Variants in DHX58 observed in about 807,000 individuals in gnomAD.
DHX58 encodes the protein DExH-box helicase 58, also known as ATP-dependent RNA helicase DHX58.
DHX58 carries 51 observed loss-of-function variants against 65.0 expected under a neutral mutation model. That is an observed-to-expected ratio of 0.78 (90% confidence interval 0.63 to 0.99). The LOEUF (loss-of-function observed/expected upper bound fraction) is 0.99. DHX58 is among the 50% of genes least tolerant of loss of function. DHX58 has a pLI of 0.00. For missense variants in DHX58, 773 were observed against 891.8 expected, an observed-to-expected ratio of 0.87 and a Z score of 1.70; for synonymous variants, 350 against 365.0, an observed-to-expected ratio of 0.96 and a Z score of 0.47.
chr17:42,107,767 C>T lies in DHX58; in HGVS notation c.834G>A (p.Arg278=). 6.3e-7 allele frequency: 1 copy of T among 1,590,880 alleles called. No individual in the cohort carries two copies. The highest frequency in any genetic ancestry group is 8.6e-7 in the Non-Finnish European group (1 of 1,168,196). Residue 278 remains arginine (R), a synonymous_variant, in exon 8 of 14, where the codon CGG becomes CGA. Coordinates refer to ENST00000251642, the MANE Select transcript of DHX58 (RefSeq NM_024119.3). ...AAALAGLQEQ[R]VYALHLRRYN... ...AGCGCCTCAGGTGAAGCGCATACAC[C>T]CGTTGCTCCTGAAGCCCAGCCAAAG... is the stretch of plus-strand genomic sequence containing the variant.
Position 42,102,286 on chromosome 17 carries a change from G to A in DHX58, c.1781C>T (p.Pro594Leu). The A allele has an allele frequency of 6.2e-7, 1 of 1,614,174 alleles. No individual in the cohort carries two copies. Among genetic ancestry groups the A allele is most frequent in the Non-Finnish European group, 8.5e-7 (1 of 1,180,008 alleles). The change falls in exon 13 of 14, where the codon CCT (proline) becomes CTT (leucine). Residue 594 changes from proline to leucine, a missense_variant. Transcript: ENST00000251642. ...CTTGAAGACTTTGTTGATGACCACA[G>A]GATCCCTGGAGACATTATAGTAGTT... ...FSNYYNVSRDPVVINKVFKDW... is the reference protein window; with the variant it reads ...FSNYYNVSRDLVVINKVFKDW...
intron 11 of DHX58, 141 bp downstream of exon 11, chr17:42,104,625 A>C: frequency 8.9e-7 from 1 of 1,121,644 alleles, no homozygotes; most frequent in Non-Finnish European, 1.2e-6. Context: ...CCCGGCCCTT[A>C]TTTAAACCTT....
In DHX58 at chr17:42,107,802, G is replaced by A. The variant is rs782654795; in HGVS notation, c.806-7C>T. On this transcript the variant is annotated splice_polypyrimidine_tract_variant and splice_region_variant and intron_variant, in intron 7 of 13. Transcript: ENST00000251642. ...TGAAGCCCAGCCAAAGCCGCTGCGG[G>A]AAGAGGGCGCAGGGTCTGAGCAGCC... is the stretch of plus-strand genomic sequence containing the variant. 2 of 1,565,860 alleles carry A rather than the reference G, an allele frequency of 1.3e-6. No homozygotes were observed. The highest frequency in any genetic ancestry group is 1.7e-6 in the Non-Finnish European group (2 of 1,154,572).
intron 12 of DHX58, 47 bp from the exon 13 acceptor site, chr17:42,102,359 C>T (rs200617538): frequency 2.6e-6 from 4 of 1,540,194 alleles, no homozygotes; most frequent in Admixed American, 1.7e-5. Flanking sequence ...CCCTCCTCAG[C>T]CCCGGATCTC....
At chr17:42,109,800 C>G (rs2054120536) in intron 5 of DHX58, among the ~76,000 whole-genome samples, 2 of 151,418 alleles carry the variant, frequency 1.3e-5, no homozygotes, top group Admixed American at 6.6e-5. Context: ...GAGGCTGAGA[C>G]AGAAGAATCA....
chr17:42,105,847 T>G lies in DHX58; in HGVS notation c.1140A>C (p.Ala380=), dbSNP rs1555662530. ...GCTGGAGCCAGAGCAGGAGGGAGTGTGCGCTTTGGCGGGTGCGGGTGAAGA... is the reference window on the plus strand; with the variant it reads ...GCTGGAGCCAGAGCAGGAGGGAGTGGGCGCTTTGGCGGGTGCGGGTGAAGA... ...GIIFTRTRQS[A]HSLLLWLQQQ... The change falls in exon 9 of 14, where the codon GCA becomes GCC. Residue 380 remains alanine (A), a synonymous_variant. Transcript: ENST00000251642. The G allele has an allele frequency of 6.2e-7, 1 of 1,614,000 alleles. No homozygotes were observed. Among genetic ancestry groups the G allele is most frequent in the Non-Finnish European group, 8.5e-7 (1 of 1,180,004 alleles).
In DHX58 at chr17:42,112,134, C is replaced by A; in HGVS notation, c.-23G>T. The A allele has an allele frequency of 4.5e-6, 2 of 440,230 alleles. No homozygotes were observed. Among genetic ancestry groups the A allele is most frequent in the Non-Finnish European group, 8.0e-6 (2 of 249,534 alleles). 27.3% of individuals were successfully genotyped at this position (440,230 alleles called of 1,614,324 possible). A position where few individuals can be genotyped will look rare whatever the true frequency, so the allele number is the denominator to read the frequency against. On this transcript the variant is annotated 5_prime_UTR_variant, in exon 2 of 14. Transcript: ENST00000251642. ...TCACCTGCTCTAGTAGGTAGGTCTG[C>A]CCAGGGCAGTCCCACTTAACTCAGC...
At position 42,107,777 on chromosome 17, in the gene DHX58, T is replaced by A. The variant is rs375862923; in HGVS notation, c.824A>T (p.Gln275Leu). 1.4e-5 allele frequency: 22 copies of A among 1,584,060 alleles called. No individual in the cohort carries two copies. The African/African-American group carries it at 2.8e-4, about 20-fold the overall frequency. ...LSEAAALAGLQEQRVYALHLR... is the reference protein window; with the variant it reads ...LSEAAALAGLLEQRVYALHLR... ...GTGAAGCGCATACACCCGTTGCTCC[T>A]GAAGCCCAGCCAAAGCCGCTGCGGG... is the stretch of plus-strand genomic sequence containing the variant. The change falls in exon 8 of 14, where the codon CAG becomes CTG. Residue 275 changes from glutamine to leucine, a missense_variant. Gln to Leu is a moderately radical substitution (Grantham distance 113, BLOSUM62 -2). Coordinates refer to ENST00000251642, the MANE Select transcript of DHX58 (RefSeq NM_024119.3).
intron 9 of DHX58, 152 bp downstream of exon 9, chr17:42,105,584 C>T (rs1555662458): frequency 6.2e-6 from 9 of 1,447,948 alleles, no homozygotes; most frequent in Non-Finnish European, 7.3e-6. Flanking sequence ...GCCCCTCTCC[C>T]CTAGCTCCTT....
At chr17:42,108,216 G>A (rs1436045109) in intron 6 of DHX58, 108 bp from the exon 7 acceptor site, 1 of 1,530,128 alleles carries the variant, frequency 6.5e-7, no homozygotes, top group Non-Finnish European at 8.9e-7. Context: ...TCACCCATCT[G>A]TCTTAGCTGT....
rs781988999 is a variant in DHX58 at position 42,105,003 on chromosome 17, G to A, written c.1401+15C>T. 1 of 1,612,128 alleles carries A rather than the reference G, an allele frequency of 6.2e-7. No homozygotes were observed. The highest frequency in any genetic ancestry group is 8.5e-7 in the Non-Finnish European group (1 of 1,178,984). On this transcript the variant is annotated intron_variant, in intron 10 of 13. Transcript: ENST00000251642. ...GATCCTATAAGGGCGGCTGAGTGGA[G>A]GAGGATGTGAGTACCTGGACCATGG...
chr17:42,102,026 A>G, intron 13 of DHX58, 80 bp from the exon 14 acceptor site: 1 of 1,501,126 alleles, frequency 6.7e-7, no homozygotes. Context: ...AATTCCCTGA[A>G]TACAGGGCCT....
At position 42,102,234 on chromosome 17, in the gene DHX58, G is replaced by A. The variant is rs9807056; in HGVS notation, c.1833C>T (p.Ser611=). Residue 611 remains serine, a synonymous_variant, in exon 13 of 14, where the codon AGC becomes AGT. Coordinates refer to ENST00000251642, the MANE Select transcript of DHX58 (RefSeq NM_024119.3). ...CTCTTACCTCCCCACAGTTCCTGCA[G>A]CTGATGACACCCCCAGGCTTCCAGT... ...FKDWKPGGVI[S]CRNCGEVWGL... 2.5e-6 allele frequency: 4 copies of A among 1,614,058 alleles called. No homozygotes were observed. The highest frequency in any genetic ancestry group is 3.4e-6 in the Non-Finnish European group (4 of 1,180,024).
chr17:42,109,477 G>A (rs533181625), intron 5 of DHX58, 91 bp from the exon 6 acceptor site: 2 of 1,029,818 alleles, frequency 1.9e-6, no homozygotes, highest in African/African-American at 1.6e-5. Flanking sequence ...GCTGAGGACA[G>A]GAGAATGTGG....
chr17:42,108,948 T>C (rs1250528301), intron 6 of DHX58, among the ~76,000 whole-genome samples: 1 of 152,218 alleles, frequency 6.6e-6, no homozygotes, highest in Non-Finnish European at 1.5e-5. Flanking sequence ...AGTCCAGTCA[T>C]GGCAGACACG....
chr17:42,103,709 G>C lies in DHX58; in HGVS notation c.1653C>G (p.His551Gln), dbSNP rs199922488. 2.4e-5 allele frequency: 39 copies of C among 1,613,756 alleles called. No homozygotes were observed. Among genetic ancestry groups the C allele is most frequent in the Non-Finnish European group, 3.2e-5 (38 of 1,180,028 alleles). ...TGCAGTTGATGCAGAGTAGCTGCAC[G>C]TGCTCCACTGGGAACTGCTGCCGCT... is the stretch of plus-strand genomic sequence containing the variant. ...ENQRQQFPVEHVQLLCINCMV... is the reference protein window; with the variant it reads ...ENQRQQFPVEQVQLLCINCMV... Residue 551 changes from histidine (H) to glutamine (Q), a missense_variant, in exon 12 of 14, where the codon CAC (histidine) becomes CAG (glutamine). Physicochemically the swap from His to Gln is conservative, Grantham distance 24. Coordinates refer to ENST00000251642, the MANE Select transcript of DHX58 (RefSeq NM_024119.3).
At chr17:42,110,152 C>T (rs1259523276) in intron 5 of DHX58, among the ~76,000 whole-genome samples, 6 of 150,428 alleles carry the variant, frequency 4.0e-5, no homozygotes, top group African/African-American at 1.5e-4. Flanking sequence ...ATGCCACTGC[C>T]CTCCAGCCTG....
rs1568005514 is a variant in DHX58, at chr17:42,109,382, CAGA to C, written c.563_565del (p.Leu188_Cys189delinsArg). The C allele has an allele frequency of 1.2e-6, 2 of 1,613,146 alleles. No homozygotes were observed. The highest frequency in any genetic ancestry group is 2.2e-5 in the South Asian group (2 of 90,736). ...GATGCACCACGTGTCCAAGTTGGCA[CAGA>C]GCTGGGGGCAACAGAGGACTTTACT... On this transcript the variant is annotated inframe_deletion and splice_region_variant, in exon 6 of 14. Transcript: ENST00000251642.
chr17:42,101,709 C>T lies in DHX58; in HGVS notation c.*52G>A. 1.3e-6 allele frequency: 2 copies of T among 1,589,250 alleles called. No homozygotes were observed. Among genetic ancestry groups the T allele is most frequent in the Admixed American group, 3.4e-5 (2 of 59,110 alleles). ...GGAAGGAGGGGCCTGGAGTCTGCTG[C>T]AGACTCTCCCGCCCCCTACAGCCCA... On this transcript the variant is annotated 3_prime_UTR_variant, in exon 14 of 14. Coordinates refer to ENST00000251642, the MANE Select transcript of DHX58 (RefSeq NM_024119.3).
Sources: gnomAD v4.1 joint callset for allele counts (sites outside exome capture counted in the v4.1 genomes callset) on GRCh38, gnomAD v4.1.1 for gene constraint, MANE v1.5 for transcripts, NCBI Gene and HGNC (gene_info 2026-07-23, HGNC 2026-07-21) for gene names.